OXR1: variants seen among roughly 807,000 people sequenced by gnomAD.
The protein encoded by OXR1 is oxidation resistance 1.
In OXR1, 41 loss-of-function variants were observed where a neutral mutation model predicts 104.6. The observed-to-expected ratio is 0.39, with a 90% CI of 0.31 to 0.51. The LOEUF (loss-of-function observed/expected upper bound fraction) is 0.51, where lower values mean the gene tolerates loss of function less well. OXR1 is among the 20% of genes least tolerant of loss of function. The pLI, the probability that OXR1 is intolerant of heterozygous loss-of-function variation, is 0.77. For synonymous variants in OXR1, 348 were observed against 348.4 expected, an observed-to-expected ratio of 1.00 and a Z score of 0.01; for missense variants, 955 against 1,031.9, an observed-to-expected ratio of 0.93 and a Z score of 1.02.
intron 3 of OXR1, among the ~76,000 whole-genome samples, chr8:106,528,467 C>T (rs1464665202): frequency 6.6e-6 from 1 of 152,148 alleles, no homozygotes; most frequent in Non-Finnish European, 1.5e-5. Flanking sequence ...TAACCCCAGG[C>T]TGCTTACATA....
Position 106,473,878 on chromosome 8 carries a change from T to C in OXR1, c.24-45065T>C, listed in dbSNP as rs371560681. 3.7e-4 allele frequency among the ~76,000 whole-genome samples: 55 copies of C among 149,976 alleles called. No individual in the cohort carries two copies. In the East Asian group the frequency reaches 0.011, roughly 29 times the overall value. On this transcript the variant is annotated intron_variant, in intron 2 of 16. Transcript: ENST00000517566. ...TTTTTTTTTTTGCCACCATTATAAG[T>C]ACTATAGCCCTTATCAATGGAAGGC...
chr8:106,557,443 G>A (rs970672511), intron 3 of OXR1, among the ~76,000 whole-genome samples: 1 of 152,112 alleles, frequency 6.6e-6, no homozygotes, highest in African/African-American at 2.4e-5. Flanking sequence ...TGATTGACAG[G>A]CAACTCAGGT....
At chr8:106,671,758 A>G (rs1281073652) in intron 3 of OXR1, among the ~76,000 whole-genome samples, 1 of 146,568 alleles carries the variant, frequency 6.8e-6, no homozygotes, top group Non-Finnish European at 1.5e-5. Context: ...CATAGGTGGG[A>G]ATTGAAGAAC....
At chr8:106,574,711 G>T (rs1203815850) in intron 3 of OXR1, among the ~76,000 whole-genome samples, 1 of 152,204 alleles carries the variant, frequency 6.6e-6, no homozygotes, top group East Asian at 1.9e-4. Flanking sequence ...AGTGTGCCAG[G>T]TTGTCCAAAT....
At chr8:106,445,174 C>G (rs1225459258) in intron 2 of OXR1, among the ~76,000 whole-genome samples, 1 of 152,186 alleles carries the variant, frequency 6.6e-6, no homozygotes, top group East Asian at 1.9e-4. Flanking sequence ...GTGAAGTAGA[C>G]AAACACACTC....
At chr8:106,557,726 G>A (rs1816388690) in intron 3 of OXR1, among the ~76,000 whole-genome samples, 2 of 152,114 alleles carry the variant, frequency 1.3e-5, no homozygotes, top group Non-Finnish European at 2.9e-5. Flanking sequence ...CTAAAATGCT[G>A]CAAGAACAAG....
intron 16 of OXR1, among the ~76,000 whole-genome samples, chr8:106,747,674 C>T (rs186046772): frequency 6.6e-6 from 1 of 152,212 alleles, no homozygotes; most frequent in East Asian, 1.9e-4. Flanking sequence ...TATCACATAC[C>T]TTTTTGAAAT....
intron 3 of OXR1, among the ~76,000 whole-genome samples, chr8:106,567,889 G>C (rs1287164561): frequency 2.0e-5 from 3 of 152,068 alleles, no homozygotes; most frequent in Non-Finnish European, 4.4e-5. Context: ...TTTACTAACA[G>C]CCACTGAACA....
chr8:106,550,523 T>G (rs1450839363), intron 3 of OXR1, among the ~76,000 whole-genome samples: 4 of 152,294 alleles, frequency 2.6e-5, no homozygotes, highest in Middle Eastern at 6.8e-3. Flanking sequence ...GAATTGTTAT[T>G]GTCATAATCC....
At chr8:106,518,201 C>T (rs1222442951) in intron 2 of OXR1, among the ~76,000 whole-genome samples, 1 of 152,156 alleles carries the variant, frequency 6.6e-6, no homozygotes, top group African/African-American at 2.4e-5. Context: ...GAATGAAAGA[C>T]TTGAAAAATG....
At position 106,359,822 on chromosome 8, in the gene OXR1, A is replaced by G. The variant is rs367883864; in HGVS notation, c.23+186A>G. 1.1e-4 allele frequency among the ~76,000 whole-genome samples: 16 copies of G among 152,298 alleles called. No individual in the cohort carries two copies. In the East Asian group the frequency reaches 2.5e-3, roughly 24 times the overall value. ...TTAGAAGTCTGACACTTTCAGTGCT[A>G]TGATATCTGGGGGCTCTGGAAAGGA... On this transcript the variant is annotated intron_variant, in intron 2 of 16. Coordinates refer to ENST00000517566, the MANE Select transcript of OXR1 (RefSeq NM_001198533.2).
intron 2 of OXR1, among the ~76,000 whole-genome samples, chr8:106,495,149 T>C (rs1811333472): frequency 6.6e-6 from 1 of 151,540 alleles, no homozygotes; most frequent in African/African-American, 2.4e-5. Flanking sequence ...TATTATTTAA[T>C]ATACATAGAT....
Position 106,555,928 on chromosome 8 carries a change from G to GTATATATATATATATATA in OXR1, c.220+36791_220+36792insTATATATATATATATATA, listed in dbSNP as rs371162000. 1.1e-4 allele frequency among the ~76,000 whole-genome samples: 16 copies of GTATATATATATATATATA among 142,536 alleles called. 1 individual carries two copies. The East Asian group carries it at 2.9e-3, about 26-fold the overall frequency. The allele number at this position is 142,536 out of a possible 152,430, so 93.5% of individuals were successfully genotyped here. A position where few individuals can be genotyped will look rare whatever the true frequency, so the allele number is the denominator to read the frequency against. On this transcript the variant is annotated intron_variant, in intron 3 of 16. Coordinates refer to ENST00000517566, the MANE Select transcript of OXR1 (RefSeq NM_001198533.2). The stretch of plus-strand genomic sequence containing the variant: ...TGTGTGTAGGCATACGTATATATAT[G>GTATATATATATATATATA]TACATATATATATATATATACACAA...
intron 2 of OXR1, among the ~76,000 whole-genome samples, chr8:106,364,140 T>A (rs980960124): frequency 2.6e-5 from 4 of 152,234 alleles, no homozygotes; most frequent in Non-Finnish European, 5.9e-5. Flanking sequence ...GGGTAAGTTA[T>A]TAATGTTTTG....
chr8:106,456,390 A>G (rs553381879), intron 2 of OXR1, among the ~76,000 whole-genome samples: 2 of 152,328 alleles, frequency 1.3e-5, no homozygotes, highest in African/African-American at 4.8e-5. Context: ...CAGAAGCAGA[A>G]TTAACATTAT....
At chr8:106,311,992 C>G (rs1813720231) in intron 1 of OXR1, among the ~76,000 whole-genome samples, 1 of 152,060 alleles carries the variant, frequency 6.6e-6, no homozygotes, top group Non-Finnish European at 1.5e-5. Context: ...TCCTCATCTT[C>G]ACCTACACCC....
At chr8:106,696,245 GCTT>G (rs1472740717) in intron 7 of OXR1, among the ~76,000 whole-genome samples, 2 of 152,032 alleles carry the variant, frequency 1.3e-5, no homozygotes, top group Non-Finnish European at 2.9e-5. Context: ...ATTCATATTG[GCTT>G]CTTTCACTTA....
At position 106,659,227 on chromosome 8, in the gene OXR1, G is replaced by T. The variant is rs568880863; in HGVS notation, c.221-19983G>T. 1.5e-3 allele frequency among the ~76,000 whole-genome samples: 231 copies of T among 152,296 alleles called. 1 individual carries two copies. Among genetic ancestry groups the T allele is most frequent in the Non-Finnish European group, 1.9e-3 (126 of 68,024 alleles). ...TCCTGCCTAGGCCTTCCCAAGTGCT[G>T]GGATTACAGGCCTGAACCACCATGC... is the stretch of plus-strand genomic sequence containing the variant. On this transcript the variant is annotated intron_variant, in intron 3 of 16. Transcript: ENST00000517566.
At chr8:106,417,103 A>G (rs2130524147) in intron 2 of OXR1, among the ~76,000 whole-genome samples, 1 of 152,278 alleles carries the variant, frequency 6.6e-6, no homozygotes, top group South Asian at 2.1e-4. Flanking sequence ...TTAATGTATT[A>G]TGTTTAACAC....
Sources: gnomAD v4.1 joint callset for allele counts (sites outside exome capture counted in the v4.1 genomes callset) on GRCh38, gnomAD v4.1.1 for gene constraint, MANE v1.5 for transcripts, NCBI Gene and HGNC (gene_info 2026-07-23, HGNC 2026-07-21) for gene names.